The following SORCS1 variants were observed in gnomAD, a reference collection of about 807,000 sequenced individuals.
SORCS1 encodes VPS10 domain-containing receptor SorCS1.
A neutral mutation model predicts 146.1 loss-of-function variants in SORCS1; 60 were observed. The observed-to-expected ratio is 0.41, with a 90% CI of 0.33 to 0.51. The LOEUF (loss-of-function observed/expected upper bound fraction) is 0.51. SORCS1 is among the 20% of genes least tolerant of loss of function. The probability of loss-of-function intolerance (pLI) is 0.21; values close to 1 mark genes in which losing one functional copy is unlikely to be tolerated. For synonymous variants in SORCS1, 637 were observed against 584.0 expected, an observed-to-expected ratio of 1.09 and a Z score of -1.31; for missense variants, 1,352 against 1,487.6, an observed-to-expected ratio of 0.91 and a Z score of 1.50.
At chr10:106,835,600 T>C (rs1052914649) in intron 2 of SORCS1, among the ~76,000 whole-genome samples, 3 of 152,220 alleles carry the variant, frequency 2.0e-5, no homozygotes, top group Non-Finnish European at 4.4e-5. Flanking sequence ...AGGTGGTACT[T>C]GGATCACAGA....
intron 1 of SORCS1, among the ~76,000 whole-genome samples, chr10:106,962,394 C>CAAAAAAAAAAAAAAAAAAAAAAAAAAAAA (rs60616146): frequency 9.6e-5 from 6 of 62,576 alleles, no homozygotes; most frequent in African/African-American, 1.3e-4. Flanking sequence ...AACTCCATCT[C>CAAAAAAAAAAAAAAAAAAAAAAAAAAAAA]AAAAAAAAAA....
chr10:106,804,748 T>C (rs1947079162), intron 3 of SORCS1, among the ~76,000 whole-genome samples: 1 of 152,178 alleles, frequency 6.6e-6, no homozygotes, highest in African/African-American at 2.4e-5. Context: ...TAGTGAAATA[T>C]ATGGACCTCT....
At chr10:106,712,174 CA>C (rs1855042783) in intron 6 of SORCS1, among the ~76,000 whole-genome samples, 1 of 152,160 alleles carries the variant, frequency 6.6e-6, no homozygotes, top group Non-Finnish European at 1.5e-5. Flanking sequence ...AGATCAGTCT[CA>C]AATCTATCTC....
intron 2 of SORCS1, among the ~76,000 whole-genome samples, chr10:106,925,743 C>T (rs753192094): frequency 6.6e-5 from 10 of 152,124 alleles, no homozygotes; most frequent in Non-Finnish European, 1.3e-4. Flanking sequence ...TGAAATTGTA[C>T]CTTCCCAGCA....
At chr10:106,954,002 T>C (rs1954821936) in intron 2 of SORCS1, among the ~76,000 whole-genome samples, 1 of 152,192 alleles carries the variant, frequency 6.6e-6, no homozygotes, top group Non-Finnish European at 1.5e-5. Flanking sequence ...TGTGATGCCA[T>C]TTTTTAAATT....
chr10:107,148,730 C>A (rs1429795703), intron 1 of SORCS1, among the ~76,000 whole-genome samples: 1 of 152,176 alleles, frequency 6.6e-6, no homozygotes, highest in Non-Finnish European at 1.5e-5. Flanking sequence ...ATATAATTTT[C>A]CCTTCTCCCT....
intron 3 of SORCS1, among the ~76,000 whole-genome samples, chr10:106,778,172 C>G (rs758275962): frequency 2.0e-5 from 3 of 152,074 alleles, no homozygotes; most frequent in Admixed American, 1.3e-4. Context: ...ACACTCTGCC[C>G]AAACTCTGTT....
chr10:106,970,339 T>TC (rs1478602742), intron 1 of SORCS1, among the ~76,000 whole-genome samples: 3 of 136,176 alleles, frequency 2.2e-5, no homozygotes, highest in Non-Finnish European at 3.1e-5. Context: ...AACATCTCTT[T>TC]TTTTTTTTTT....
intron 1 of SORCS1, among the ~76,000 whole-genome samples, chr10:106,982,217 C>A (rs2139357556): frequency 6.6e-6 from 1 of 152,272 alleles, no homozygotes; most frequent in Admixed American, 6.5e-5. Flanking sequence ...AAAATATAAT[C>A]TTTAGACTCA....
At chr10:107,074,450 A>G (rs1268773035) in intron 1 of SORCS1, among the ~76,000 whole-genome samples, 1 of 152,216 alleles carries the variant, frequency 6.6e-6, no homozygotes, top group African/African-American at 2.4e-5. Flanking sequence ...CACCTACCAG[A>G]AAGCATTTTT....
In SORCS1 at chr10:106,822,802, T is replaced by TTTTTTTTTTTG. The variant is rs994708912; in HGVS notation, c.726+6771_726+6772insCAAAAAAAAAA. Among the ~76,000 whole-genome samples the TTTTTTTTTTTG allele has an allele frequency of 1.4e-4, 19 of 140,190 alleles. 1 individual carries two copies. Among genetic ancestry groups the TTTTTTTTTTTG allele is most frequent in the African/African-American group, 5.1e-4 (18 of 35,226 alleles). The allele number at this position is 140,190 out of a possible 152,430, so 92.0% of individuals were successfully genotyped here. The stretch of plus-strand genomic sequence containing the variant: ...GTGTGGTTTTTTTTTTTTTTTTTTT[T>TTTTTTTTTTTG]GAATATTGCTCTGTTGTGCCCAGGC... On this transcript the variant is annotated intron_variant, in intron 3 of 25. Coordinates refer to ENST00000263054, the MANE Select transcript of SORCS1 (RefSeq NM_052918.5).
At chr10:106,834,614 T>C (rs539112533) in intron 2 of SORCS1, among the ~76,000 whole-genome samples, 4 of 152,064 alleles carry the variant, frequency 2.6e-5, no homozygotes, top group African/African-American at 9.6e-5. Flanking sequence ...TTATCTTAAA[T>C]GAAAATTGCA....
At chr10:106,916,939 C>T (rs1350356049) in intron 2 of SORCS1, among the ~76,000 whole-genome samples, 1 of 152,114 alleles carries the variant, frequency 6.6e-6, no homozygotes, top group Admixed American at 6.5e-5. Flanking sequence ...GACGGGGTTT[C>T]ACCATGTTGG....
intron 18 of SORCS1, among the ~76,000 whole-genome samples, chr10:106,631,021 T>C (rs1471007162): frequency 6.6e-6 from 1 of 152,238 alleles, no homozygotes; most frequent in Non-Finnish European, 1.5e-5. Flanking sequence ...ACAAAAACCT[T>C]TGAACTAGAA....
At chr10:106,629,150 A>G in intron 19 of SORCS1, 52 bp downstream of exon 19, 2 of 1,501,814 alleles carry the variant, frequency 1.3e-6, no homozygotes, top group Non-Finnish European at 1.8e-6. Flanking sequence ...TTCAATTTGA[A>G]AAGGACACAA....
At chr10:106,920,816 T>C (rs1294065618) in intron 2 of SORCS1, among the ~76,000 whole-genome samples, 4 of 152,176 alleles carry the variant, frequency 2.6e-5, no homozygotes, top group Admixed American at 6.5e-5. Context: ...ATGACCTGGA[T>C]GGGTGCATCT....
intron 2 of SORCS1, among the ~76,000 whole-genome samples, chr10:106,911,092 G>A (rs1286835050): frequency 1.3e-5 from 2 of 152,200 alleles, no homozygotes; most frequent in Non-Finnish European, 2.9e-5. Flanking sequence ...CCAGTTCACA[G>A]ATCTCTTGTA....
chr10:107,098,552 G>C (rs535908794), intron 1 of SORCS1, among the ~76,000 whole-genome samples: 2 of 152,296 alleles, frequency 1.3e-5, no homozygotes, highest in South Asian at 4.1e-4. Context: ...ATATCAAATT[G>C]AGAATTTACT....
At chr10:106,965,325 A>C (rs1485940868) in intron 1 of SORCS1, among the ~76,000 whole-genome samples, 1 of 152,030 alleles carries the variant, frequency 6.6e-6, no homozygotes, top group African/African-American at 2.4e-5. Flanking sequence ...CTTTACCCTC[A>C]CCAACCAGGA....
Sources: gnomAD v4.1 joint callset for allele counts (sites outside exome capture counted in the v4.1 genomes callset) on GRCh38, gnomAD v4.1.1 for gene constraint, MANE v1.5 for transcripts, NCBI Gene and HGNC (gene_info 2026-07-23, HGNC 2026-07-21) for gene names.